The following EEA1 variants were observed in gnomAD, a reference collection of about 807,000 sequenced individuals.
The protein encoded by EEA1 is early endosome antigen 1, 162kD.
A neutral mutation model predicts 209.2 loss-of-function variants in EEA1; 111 were observed. The observed-to-expected ratio is 0.53, with a 90% CI of 0.45 to 0.62. The LOEUF is 0.62. Ranked by LOEUF, EEA1 falls within the 20% of genes least tolerant of loss-of-function variation. The probability of loss-of-function intolerance (pLI) is 0.00; values close to 1 mark genes in which losing one functional copy is unlikely to be tolerated. For synonymous variants in EEA1, 536 were observed against 540.6 expected (o/e 0.99, Z 0.12); for missense variants, 1,343 against 1,530.8 (o/e 0.88, Z 2.05).
intron 19 of EEA1, among the ~76,000 whole-genome samples, chr12:92,801,941 C>A (rs1353405364): frequency 6.6e-6 from 1 of 151,886 alleles, no homozygotes; most frequent in Non-Finnish European, 1.5e-5. Flanking sequence ...ATATTTTAAA[C>A]ATTAAAATGA....
At chr12:92,845,442 A>G (rs1474745953) in intron 9 of EEA1, among the ~76,000 whole-genome samples, 2 of 152,206 alleles carry the variant, frequency 1.3e-5, no homozygotes, top group African/African-American at 4.8e-5. Flanking sequence ...CCCTCTTCAG[A>G]TATCACTATG....
chr12:92,859,751 A>G (rs987197027), intron 3 of EEA1, among the ~76,000 whole-genome samples: 2 of 152,250 alleles, frequency 1.3e-5, no homozygotes, highest in Non-Finnish European at 2.9e-5. Context: ...AAATGTCCAC[A>G]TAAAGTACTT....
At chr12:92,903,326 G>GCC (rs1880232676) in intron 1 of EEA1, among the ~76,000 whole-genome samples, 1 of 151,886 alleles carries the variant, frequency 6.6e-6, no homozygotes, top group South Asian at 2.1e-4. Context: ...AGTCGGAAGC[G>GCC]GTAGCTCACG....
At chr12:92,883,842 T>C in intron 2 of EEA1, 1 of 1,602,768 alleles carries the variant, frequency 6.2e-7, no homozygotes, top group Non-Finnish European at 8.5e-7. Context: ...GGTTGAGCTT[T>C]AAAACAACCG....
chr12:92,926,592 A>T (rs1881225636), intron 1 of EEA1, among the ~76,000 whole-genome samples: 1 of 152,178 alleles, frequency 6.6e-6, no homozygotes, highest in Non-Finnish European at 1.5e-5. Flanking sequence ...CTACAAGATA[A>T]AAGCTGAACT....
At chr12:92,830,239 A>T (rs1334744410) in intron 11 of EEA1, among the ~76,000 whole-genome samples, 1 of 152,132 alleles carries the variant, frequency 6.6e-6, no homozygotes, top group Non-Finnish European at 1.5e-5. Context: ...TACGTGTCAC[A>T]GGGGTTTGGT....
rs1324533460 is a variant in EEA1, at chr12:92,859,934, T to C, written c.246-2449A>G. On this transcript the variant is annotated intron_variant, in intron 3 of 28. Transcript: ENST00000322349. ...TGTGTTCCCTATCTGATCAGTCTTG[T>C]ATGTAACGCAAGTTCCCAGTTGGAG... Among the ~76,000 whole-genome samples, 3 of 152,200 alleles carry C rather than the reference T, an allele frequency of 2.0e-5. No homozygotes were observed. The East Asian group carries it at 5.8e-4, about 29-fold the overall frequency.
chr12:92,780,259 G>T, intron 24 of EEA1, 21 bp downstream of exon 24: 2 of 1,581,856 alleles, frequency 1.3e-6, no homozygotes, highest in Non-Finnish European at 8.5e-7. Flanking sequence ...GAAGGCAGGA[G>T]AAATGATTAT....
chr12:92,785,147 C>G (rs1247836920), intron 22 of EEA1, among the ~76,000 whole-genome samples: 1 of 151,792 alleles, frequency 6.6e-6, no homozygotes, highest in Admixed American at 6.6e-5. Context: ...CTAGAATTTT[C>G]ACTTCACTCA....
At chr12:92,884,410 C>A in intron 2 of EEA1, 2 of 1,301,120 alleles carry the variant, frequency 1.5e-6, no homozygotes, top group Non-Finnish European at 1.1e-6. Flanking sequence ...GCAGGAATGA[C>A]AACACTGGTA....
chr12:92,870,199 CA>C (rs1441787270), intron 2 of EEA1, among the ~76,000 whole-genome samples: 1 of 152,080 alleles, frequency 6.6e-6, no homozygotes, highest in Non-Finnish European at 1.5e-5. Context: ...ATTAATGTGT[CA>C]AATAACTAAA....
intron 1 of EEA1, among the ~76,000 whole-genome samples, chr12:92,904,748 A>G (rs981203233): frequency 4.6e-5 from 7 of 152,194 alleles, no homozygotes; most frequent in Non-Finnish European, 1.0e-4. Flanking sequence ...ATACAAATAA[A>G]CAGCCAGATG....
intron 10 of EEA1, among the ~76,000 whole-genome samples, chr12:92,839,680 TTAA>T (rs1446551511): frequency 1.3e-5 from 2 of 152,104 alleles, no homozygotes; most frequent in South Asian, 2.1e-4. Context: ...ATTTAATGAG[TTAA>T]TGTTTTTTAA....
chr12:92,865,049 C>T, intron 2 of EEA1, 62 bp from the exon 3 acceptor site: 2 of 1,311,340 alleles, frequency 1.5e-6, no homozygotes, highest in Non-Finnish European at 2.1e-6. Context: ...TAACAATTTG[C>T]ATATTATTAA....
chr12:92,824,276 T>A (rs889394091), intron 13 of EEA1, among the ~76,000 whole-genome samples: 16 of 152,204 alleles, frequency 1.1e-4, no homozygotes, highest in Admixed American at 5.2e-4. Context: ...CCAAGCTACA[T>A]CATTTCTTGT....
chr12:92,870,386 G>A (rs776861499), intron 2 of EEA1, among the ~76,000 whole-genome samples: 1 of 152,046 alleles, frequency 6.6e-6, no homozygotes, highest in Non-Finnish European at 1.5e-5. Context: ...ACATTATCAG[G>A]ATCATCTGAG....
intron 3 of EEA1, chr12:92,859,301 T>G (rs1384520333): frequency 1.3e-6 from 2 of 1,497,124 alleles, no homozygotes; most frequent in East Asian, 4.6e-5. Context: ...TTCCCCATAC[T>G]TGTTGGCAAA....
intron 18 of EEA1, among the ~76,000 whole-genome samples, chr12:92,808,521 C>T (rs1875326147): frequency 1.4e-5 from 2 of 147,332 alleles, no homozygotes; most frequent in Middle Eastern, 7.0e-3. Flanking sequence ...ATCACTTTGT[C>T]GCCCAGGCTG....
At chr12:92,906,683 G>A (rs1021613693) in intron 1 of EEA1, among the ~76,000 whole-genome samples, 50 of 151,900 alleles carry the variant, frequency 3.3e-4, no homozygotes, top group African/African-American at 1.1e-3. Context: ...GCATAGTGGC[G>A]GGCGCCTGTA....
Sources: gnomAD v4.1 joint callset for allele counts (sites outside exome capture counted in the v4.1 genomes callset) on GRCh38, gnomAD v4.1.1 for gene constraint, MANE v1.5 for transcripts, NCBI Gene and HGNC (gene_info 2026-07-23, HGNC 2026-07-21) for gene names.